The following FAT3 variants were observed in gnomAD, a reference collection of about 807,000 sequenced individuals.
FAT3 encodes the protein FAT atypical cadherin 3.
In FAT3, 95 loss-of-function variants were observed where a neutral mutation model predicts 310.2. That is an observed-to-expected ratio of 0.31 (90% CI 0.26 to 0.36). The LOEUF (loss-of-function observed/expected upper bound fraction) is 0.36, where lower values mean the gene tolerates loss of function less well. Ranked by LOEUF, FAT3 falls within the 10% of genes least tolerant of loss-of-function variation. The probability of loss-of-function intolerance (pLI) is 1.00; values close to 1 mark genes in which losing one functional copy is unlikely to be tolerated. For synonymous variants in FAT3, 2,314 were observed against 2,192.9 expected (o/e 1.06, Z -1.54); for missense variants, 5,408 against 5,715.6 (o/e 0.95, Z 1.74).
At chr11:92,773,944 A>G (rs1946525537) in intron 6 of FAT3, 97 bp from the exon 7 acceptor site, 2 of 1,434,074 alleles carry the variant, frequency 1.4e-6, no homozygotes, top group African/African-American at 2.9e-5. Context: ...CCTGTCAAAA[A>G]AAATTTCTGT....
intron 1 of FAT3, among the ~76,000 whole-genome samples, chr11:92,342,435 T>G (rs1164444492): frequency 4.6e-5 from 7 of 152,190 alleles, no homozygotes; most frequent in Non-Finnish European, 1.0e-4. Context: ...CTCTTTTCCT[T>G]GAAAGAGACT....
chr11:92,263,670 TA>T (rs1300937447), intron 1 of FAT3, among the ~76,000 whole-genome samples: 10 of 151,882 alleles, frequency 6.6e-5, no homozygotes, highest in African/African-American at 2.4e-4. Context: ...GAGATGCATA[TA>T]TATTTGCATG....
intron 1 of FAT3, among the ~76,000 whole-genome samples, chr11:92,350,737 TAGGATTATC>T (rs71963998): frequency 0.074 from 11,310 of 152,198 alleles, 584 homozygotes; most frequent in African/African-American, 0.14. Context: ...ACCTATTACT[TAGGATTATC>T]ATGAAGATTA....
chr11:92,551,200 G>C (rs1954803566), intron 3 of FAT3, among the ~76,000 whole-genome samples: 1 of 152,054 alleles, frequency 6.6e-6, no homozygotes, highest in African/African-American at 2.4e-5. Flanking sequence ...TCTGGATCCT[G>C]TCTGAATTTC....
chr11:92,561,595 TA>T (rs1385774563), intron 3 of FAT3, among the ~76,000 whole-genome samples: 1 of 152,032 alleles, frequency 6.6e-6, no homozygotes, highest in Admixed American at 6.6e-5. Flanking sequence ...TTGATTCTTT[TA>T]TTATCTATTT....
At chr11:92,384,720 A>C (rs1241155181) in intron 2 of FAT3, among the ~76,000 whole-genome samples, 2 of 152,336 alleles carry the variant, frequency 1.3e-5, no homozygotes, top group East Asian at 3.9e-4. Context: ...TACATTCAAA[A>C]GGAATTTAAA....
chr11:92,282,067 G>A (rs1201501523), intron 1 of FAT3, among the ~76,000 whole-genome samples: 2 of 151,956 alleles, frequency 1.3e-5, no homozygotes, highest in Non-Finnish European at 2.9e-5. Flanking sequence ...CACCATGCCC[G>A]ACTAATTTTT....
chr11:92,681,740 C>G (rs536135390), intron 3 of FAT3, among the ~76,000 whole-genome samples: 1 of 152,296 alleles, frequency 6.6e-6, no homozygotes, highest in South Asian at 2.1e-4. Context: ...TGGGACACCA[C>G]ATGACATTTA....
intron 1 of FAT3, among the ~76,000 whole-genome samples, chr11:92,339,776 G>T (rs1479499826): frequency 2.0e-5 from 3 of 152,044 alleles, no homozygotes; most frequent in East Asian, 3.9e-4. Flanking sequence ...TCAAAAAAAG[G>T]CCAGTGTCGC....
chr11:92,341,289 G>A (rs1948255202), intron 1 of FAT3, among the ~76,000 whole-genome samples: 1 of 152,214 alleles, frequency 6.6e-6, no homozygotes, highest in Admixed American at 6.5e-5. Flanking sequence ...GGGCTCTTTA[G>A]TGGAGATGGA....
chr11:92,629,659 C>T (rs1941479732), intron 3 of FAT3, among the ~76,000 whole-genome samples: 1 of 152,136 alleles, frequency 6.6e-6, no homozygotes, highest in South Asian at 2.1e-4. Flanking sequence ...AATCCTCCTG[C>T]CTCAGCCTCC....
intron 4 of FAT3, among the ~76,000 whole-genome samples, chr11:92,709,949 T>C (rs1944470918): frequency 6.6e-6 from 1 of 152,196 alleles, no homozygotes. Flanking sequence ...TTTTTCATGA[T>C]GTACCCATTA....
At chr11:92,864,168 T>C (rs1468246939) in intron 21 of FAT3, among the ~76,000 whole-genome samples, 1 of 152,224 alleles carries the variant, frequency 6.6e-6, no homozygotes, top group East Asian at 1.9e-4. Flanking sequence ...CTGGTGAATA[T>C]GTAACTTGGT....
chr11:92,657,449 C>T (rs1008949548), intron 3 of FAT3, among the ~76,000 whole-genome samples: 4 of 152,208 alleles, frequency 2.6e-5, no homozygotes, highest in Admixed American at 6.5e-5. Flanking sequence ...GGCACAGCCC[C>T]GGACTCTGAG....
At chr11:92,324,812 A>G (rs531462791) in intron 1 of FAT3, among the ~76,000 whole-genome samples, 1 of 152,350 alleles carries the variant, frequency 6.6e-6, no homozygotes, top group East Asian at 1.9e-4. Context: ...GTCCATGAAT[A>G]GTGGCATCTA....
At chr11:92,520,296 T>G (rs953311129) in intron 2 of FAT3, among the ~76,000 whole-genome samples, 3 of 152,142 alleles carry the variant, frequency 2.0e-5, no homozygotes, top group African/African-American at 4.8e-5. Flanking sequence ...AAGTTATTTA[T>G]AATGACAGAA....
intron 2 of FAT3, among the ~76,000 whole-genome samples, chr11:92,443,382 T>G (rs2135087055): frequency 6.6e-6 from 1 of 152,294 alleles, no homozygotes; most frequent in South Asian, 2.1e-4. Flanking sequence ...GGCATATGGG[T>G]TTTGTTCTAA....
In FAT3 at chr11:92,866,873, C is replaced by T. The variant is rs2136348541; in HGVS notation, c.11791C>T (p.Leu3931=). The T allele has an allele frequency of 6.2e-7, 1 of 1,614,026 alleles. No individual in the cohort carries two copies. Among genetic ancestry groups the T allele is most frequent in the Non-Finnish European group, 8.5e-7 (1 of 1,179,908 alleles). Residue 3931 remains leucine (L), a synonymous_variant, in exon 22 of 28, where the codon CTG becomes TTG. Coordinates refer to ENST00000525166, the MANE Select transcript of FAT3 (RefSeq NM_001367949.2). ...FLELNRNFTS[L]SLDDSYVERR... ...GGAGCTCAACCGCAATTTCACGAGC[C>T]TGTCCCTGGATGACAGCTACGTGGA...
chr11:92,858,814 G>A (rs1335729443), intron 20 of FAT3, among the ~76,000 whole-genome samples: 1 of 151,786 alleles, frequency 6.6e-6, no homozygotes, highest in Non-Finnish European at 1.5e-5. Context: ...GGGGGTTGGG[G>A]GAGGAATGAA....
Sources: gnomAD v4.1 joint callset for allele counts (sites outside exome capture counted in the v4.1 genomes callset) on GRCh38, gnomAD v4.1.1 for gene constraint, MANE v1.5 for transcripts, NCBI Gene and HGNC (gene_info 2026-07-23, HGNC 2026-07-21) for gene names.